SHANK2: variants seen among roughly 807,000 people sequenced by gnomAD.
SHANK2 encodes the protein SH3 and multiple ankyrin repeat domains protein 2.
A neutral mutation model predicts 133.7 loss-of-function variants in SHANK2; 43 were observed. The observed-to-expected ratio is 0.32, with a 90% CI of 0.25 to 0.41. SHANK2 has a LOEUF of 0.41. Among genes scored for constraint, SHANK2 ranks in the 10% least tolerant of loss-of-function variants. The pLI, the probability that SHANK2 is intolerant of heterozygous loss-of-function variation, is 1.00. For synonymous variants in SHANK2, 1,017 were observed against 952.8 expected (o/e 1.07, Z -1.24); for missense variants, 1,994 against 2,235.8 (o/e 0.89, Z 2.18).
intron 11 of SHANK2, among the ~76,000 whole-genome samples, chr11:70,888,941 C>T (rs1949792481): frequency 6.6e-6 from 1 of 152,320 alleles, no homozygotes; most frequent in African/African-American, 2.4e-5. Flanking sequence ...GTGCCTAGCA[C>T]AGTGGGGACG....
chr11:70,681,585 G>T (rs782179317), intron 15 of SHANK2, among the ~76,000 whole-genome samples: 4 of 152,152 alleles, frequency 2.6e-5, no homozygotes, highest in Non-Finnish European at 5.9e-5. Context: ...CAGGCTCTCA[G>T]CCGGATCCCT....
rs185461995 is a variant in SHANK2, at chr11:71,155,812, A to T, written c.-12-8474T>A. Among the ~76,000 whole-genome samples, 379 of 150,278 alleles carry T rather than the reference A, an allele frequency of 2.5e-3. 3 individuals carry two copies. Among genetic ancestry groups the T allele is most frequent in the African/African-American group, 8.7e-3 (356 of 41,154 alleles). On this transcript the variant is annotated intron_variant, in intron 2 of 25. Coordinates refer to ENST00000601538, the MANE Select transcript of SHANK2 (RefSeq NM_012309.5). ...TGCCACGTAGCCCCCAGGCACCAGC[A>T]TGGCATTAGACACACTGTGAGCTGA...
intron 10 of SHANK2, among the ~76,000 whole-genome samples, chr11:70,921,863 A>G (rs1173286231): frequency 1.3e-5 from 2 of 152,248 alleles, no homozygotes; most frequent in South Asian, 2.1e-4. Context: ...TTAAATATAT[A>G]TGCAATGCCT....
chr11:70,489,986 CG>C, intron 23 of SHANK2: 1 of 203,306 alleles, frequency 4.9e-6, no homozygotes, highest in Non-Finnish European at 1.0e-5. Flanking sequence ...CCCACCCTCC[CG>C]CTTTACCCTG....
intron 11 of SHANK2, among the ~76,000 whole-genome samples, chr11:70,867,116 T>TAA (rs34341953): frequency 1.5e-3 from 213 of 137,914 alleles, no homozygotes; most frequent in African/African-American, 5.4e-3. Flanking sequence ...TCGGTGTATT[T>TAA]AAAAAAAAAA....
At chr11:70,702,119 CCATCACCACAT>C (rs1207311493) in intron 14 of SHANK2, among the ~76,000 whole-genome samples, 3 of 151,436 alleles carry the variant, frequency 2.0e-5, no homozygotes, top group African/African-American at 7.3e-5. Context: ...ATCATCACCA[CCATCACCACAT>C]CATCACCACC....
At chr11:70,661,560 T>C (rs1555013297) in intron 16 of SHANK2, 36 bp downstream of exon 16, 1 of 1,423,878 alleles carries the variant, frequency 7.0e-7, no homozygotes, top group Admixed American at 1.7e-5. Context: ...CACACAAACA[T>C]GGGAACATAT....
intron 2 of SHANK2, among the ~76,000 whole-genome samples, chr11:71,169,056 T>C (rs1178729300): frequency 3.9e-5 from 6 of 152,162 alleles, no homozygotes; most frequent in Admixed American, 6.5e-5. Flanking sequence ...AAACTGCAAT[T>C]ACTTTTGCAG....
chr11:70,879,347 T>C (rs996822384), intron 11 of SHANK2, among the ~76,000 whole-genome samples: 10 of 152,382 alleles, frequency 6.6e-5, no homozygotes, highest in African/African-American at 2.4e-4. Flanking sequence ...CAGCATATTC[T>C]TATGAGGCTC....
At chr11:71,178,330 A>C (rs1953484815) in intron 2 of SHANK2, among the ~76,000 whole-genome samples, 1 of 152,256 alleles carries the variant, frequency 6.6e-6, no homozygotes, top group African/African-American at 2.4e-5. Context: ...CAGACACAGT[A>C]GGAGACATCT....
At chr11:70,937,489 T>A (rs1395572362) in intron 10 of SHANK2, among the ~76,000 whole-genome samples, 2 of 152,300 alleles carry the variant, frequency 1.3e-5, no homozygotes, top group Admixed American at 6.5e-5. Flanking sequence ...GTCTCCCAGA[T>A]CCTACAACTT....
rs750548610 is a variant in SHANK2 at position 70,485,221 on chromosome 11, C to A, written c.4979+93G>T. ...CACAGGCTTTACGAATTCCCCTCTT[C>A]GTGTCCGCTGGGGCTGCTACCCGAG... is the stretch of plus-strand genomic sequence containing the variant. On this transcript the variant is annotated intron_variant, in intron 25 of 25. Transcript: ENST00000601538. This position sits in a 1 kb window ranked among gnomAD's most constrained non-coding sequence, Gnocchi z 5.8. 1.9e-5 allele frequency: 20 copies of A among 1,077,268 alleles called. No homozygotes were observed. Among genetic ancestry groups the A allele is most frequent in the Admixed American group, 3.4e-5 (2 of 58,138 alleles). 66.7% of individuals were successfully genotyped at this position (1,077,268 alleles called of 1,614,324 possible). A position where few individuals can be genotyped will look rare whatever the true frequency, so the allele number is the denominator to read the frequency against.
At chr11:71,239,663 A>G (rs1954864594) in intron 1 of SHANK2, among the ~76,000 whole-genome samples, 2 of 151,978 alleles carry the variant, frequency 1.3e-5, no homozygotes, top group Admixed American at 6.6e-5. Context: ...TTCTAGAGAC[A>G]GGGTTTTGCT....
intron 1 of SHANK2, among the ~76,000 whole-genome samples, chr11:71,241,328 T>C (rs1346355845): frequency 6.6e-6 from 1 of 152,138 alleles, no homozygotes; most frequent in African/African-American, 2.4e-5. Context: ...TCAGGGTGGA[T>C]TTTTTTAAGT....
intron 12 of SHANK2, among the ~76,000 whole-genome samples, chr11:70,814,228 G>T (rs1457663468): frequency 1.3e-5 from 2 of 152,126 alleles, no homozygotes; most frequent in African/African-American, 4.8e-5. Context: ...GGAAGCTGAG[G>T]CAGGAGAATC....
intron 3 of SHANK2, among the ~76,000 whole-genome samples, chr11:71,127,828 T>C (rs556159946): frequency 1.4e-4 from 22 of 152,338 alleles, no homozygotes; most frequent in Admixed American, 2.6e-4. Flanking sequence ...GCCTGTTATG[T>C]AAGTCATTGA....
intron 17 of SHANK2, among the ~76,000 whole-genome samples, chr11:70,547,696 G>A (rs2059712292): frequency 6.6e-6 from 1 of 152,192 alleles, no homozygotes; most frequent in Admixed American, 6.5e-5. Context: ...GATCTGATTT[G>A]AAAAGAAAAG....
intron 8 of SHANK2, among the ~76,000 whole-genome samples, chr11:71,083,767 G>A (rs1951335163): frequency 6.6e-6 from 1 of 152,206 alleles, no homozygotes; most frequent in African/African-American, 2.4e-5. Context: ...AAGTTGCACG[G>A]TGGATGTAAA....
intron 5 of SHANK2, among the ~76,000 whole-genome samples, chr11:71,110,392 C>T (rs782502828): frequency 5.9e-5 from 9 of 152,116 alleles, no homozygotes; most frequent in Non-Finnish European, 1.0e-4. Flanking sequence ...GAGCCGAGAT[C>T]GCGCCACTGC....
Sources: allele counts gnomAD v4.1 joint callset (sites outside exome capture counted in the v4.1 genomes callset), GRCh38; gene constraint gnomAD v4.1.1; non-coding constraint Gnocchi (gnomAD v3.1); transcripts MANE v1.5; gene names NCBI Gene and HGNC (gene_info 2026-07-23, HGNC 2026-07-21).